The following OR11G2 variants were observed in gnomAD, a reference collection of about 807,000 sequenced individuals.
OR11G2 encodes olfactory receptor 11G2.
Under a neutral mutation model 0.9 loss-of-function variants are expected in OR11G2, and 2 were observed. The ratio of observed to expected loss-of-function variants is 2.35; its 90% CI spans 0.96 to 7.38. The LOEUF is 7.38. Among genes scored for constraint, OR11G2 ranks in the 30% most tolerant of loss-of-function variants. The pLI is 0.05. For synonymous variants in OR11G2, 153 were observed against 142.0 expected (o/e 1.08, Z -0.55); for missense variants, 395 against 371.3 (o/e 1.06, Z -0.52).
chr14:20,197,911 C>T lies in OR11G2; in HGVS notation c.474C>T (p.Ile158=). ...TCAATTGCTGGGTACTTGGTTTCAT[C>T]TGGTTCTTGATTCCTATCGTCAACA... ...LVVNCWVLGF[I]WFLIPIVNIS... The change falls in exon 2 of 2, where the codon ATC becomes ATT. Residue 158 remains isoleucine, a synonymous_variant. Transcript: ENST00000641879. The T allele has an allele frequency of 6.2e-7, 1 of 1,614,094 alleles. No individual in the cohort carries two copies. The highest frequency in any genetic ancestry group is 1.6e-4 in the Middle Eastern group (1 of 6,062).
At chr14:20,196,757 T>C (rs935465178) in intron 1 of OR11G2, among the ~76,000 whole-genome samples, 2 of 152,264 alleles carry the variant, frequency 1.3e-5, no homozygotes, top group Non-Finnish European at 2.9e-5. Context: ...GGCCAGTTAA[T>C]TCTTTCAGCC....
At chr14:20,193,649 T>C (rs1050145503) in intron 1 of OR11G2, among the ~76,000 whole-genome samples, 5 of 152,250 alleles carry the variant, frequency 3.3e-5, no homozygotes, top group Admixed American at 3.3e-4. Flanking sequence ...GAAAATTATA[T>C]GAAATTCACA....
At chr14:20,193,133 A>G (rs2318884) in intron 1 of OR11G2, among the ~76,000 whole-genome samples, 145,447 of 152,228 alleles carry the variant, frequency 0.96, 69,559 homozygotes, top group Non-Finnish European at 0.97. Context: ...TGGGGGTTGT[A>G]TTGAGGCAGA....
chr14:20,191,983 C>T (rs1449066297), intron 1 of OR11G2, among the ~76,000 whole-genome samples: 2 of 151,860 alleles, frequency 1.3e-5, no homozygotes, highest in African/African-American at 4.8e-5. Context: ...ACCTCTGCCT[C>T]CCGGGTTCAG....
In OR11G2 at chr14:20,200,759, G is replaced by A. The variant is rs1879886818; in HGVS notation, c.*2386G>A. The stretch of plus-strand genomic sequence containing the variant: ...AAAACATCAGTTCCCATTAATAGAA[G>A]ACTAGTAAAATGAGCTATGGTGAGT... On this transcript the variant is annotated 3_prime_UTR_variant, in exon 2 of 2. Transcript: ENST00000641879. 1 of 152,120 alleles carries A rather than the reference G, an allele frequency of 6.6e-6. No individual in the cohort carries two copies. The highest frequency in any genetic ancestry group is 6.6e-5 in the Admixed American group (1 of 15,266). 9.4% of individuals were successfully genotyped at this position (152,120 alleles called of 1,614,324 possible).
rs1354750459 is a variant in OR11G2 at position 20,198,433 on chromosome 14, A to G, written c.*60A>G. ...TTGTCTTTAATTTTGGGGTTTAAAA[A>G]AAAAACTGGTCTTGGCCAGGCGCGG... On this transcript the variant is annotated 3_prime_UTR_variant, in exon 2 of 2. Coordinates refer to ENST00000641879, the MANE Select transcript of OR11G2 (RefSeq NM_001386033.1). 1 of 1,311,396 alleles carries G rather than the reference A, an allele frequency of 7.6e-7. No homozygotes were observed. Among genetic ancestry groups the G allele is most frequent in the African/African-American group, 1.5e-5 (1 of 67,504 alleles). 81.2% of individuals were successfully genotyped at this position (1,311,396 alleles called of 1,614,324 possible). A position where few individuals can be genotyped will look rare whatever the true frequency, so the allele number is the denominator to read the frequency against.
In OR11G2 at chr14:20,192,194, C is replaced by T. The variant is rs558599070; in HGVS notation, c.-5+528C>T. The stretch of plus-strand genomic sequence containing the variant: ...GGTGTGAACCACCAAGCCCAGCCCC[C>T]AAATGGCATTTTCATCTGAGAGACA... On this transcript the variant is annotated intron_variant, in intron 1 of 1. Coordinates refer to ENST00000641879, the MANE Select transcript of OR11G2 (RefSeq NM_001386033.1). Among the ~76,000 whole-genome samples the T allele has an allele frequency of 4.6e-5, 7 of 152,196 alleles. No homozygotes were observed. The South Asian group carries it at 1.2e-3, about 27-fold the overall frequency.
rs1258870730 is a variant in OR11G2, at chr14:20,191,225, A to G, written c.-446A>G. 1 of 152,218 alleles carries G rather than the reference A, an allele frequency of 6.6e-6. No homozygotes were observed. The highest frequency in any genetic ancestry group is 6.5e-5 in the Admixed American group (1 of 15,278). The allele number at this position is 152,218 out of a possible 1,614,324, so 9.4% of individuals were successfully genotyped here. On this transcript the variant is annotated 5_prime_UTR_variant, in exon 1 of 2. Transcript: ENST00000641879. ...CTGTTCTTATTTTCAAGGACTTTGC[A>G]GAAAGTAAATAGGTGTAATGATATG...
rs932216589 is a variant in OR11G2, at chr14:20,191,301, A to G, written c.-370A>G. 4 of 151,962 alleles carry G rather than the reference A, an allele frequency of 2.6e-5. No homozygotes were observed. Among genetic ancestry groups the G allele is most frequent in the African/African-American group, 7.3e-5 (3 of 41,328 alleles). The allele number at this position is 151,962 out of a possible 1,614,324, so 9.4% of individuals were successfully genotyped here. A position where few individuals can be genotyped will look rare whatever the true frequency, so the allele number is the denominator to read the frequency against. ...GATGTGTGCTGCTGAGATCAGAACAATAATGCTTCCGATCCACACTGCCTT... is the reference window on the plus strand; with the variant it reads ...GATGTGTGCTGCTGAGATCAGAACAGTAATGCTTCCGATCCACACTGCCTT... On this transcript the variant is annotated 5_prime_UTR_variant, in exon 1 of 2. Transcript: ENST00000641879.
rs760534517 is a variant in OR11G2, at chr14:20,197,955, G to C, written c.518G>C (p.Cys173Ser). 9.9e-6 allele frequency: 16 copies of C among 1,613,980 alleles called. No individual in the cohort carries two copies. In the East Asian group the frequency reaches 3.3e-4, roughly 34 times the overall value. Reference protein sequence around the residue: ...PIVNISQMSFCGSRIIDHFLC... With the variant: ...PIVNISQMSFSGSRIIDHFLC... ...GTCAACATCTCCCAAATGTCCTTCTGTGGATCTAGGATTATTGACCACTTC... is the reference window on the plus strand; with the variant it reads ...GTCAACATCTCCCAAATGTCCTTCTCTGGATCTAGGATTATTGACCACTTC... Residue 173 changes from cysteine (C) to serine (S), a missense_variant, in exon 2 of 2, where the codon TGT becomes TCT. Cys to Ser is a moderately radical substitution (Grantham distance 112, BLOSUM62 -1). Coordinates refer to ENST00000641879, the MANE Select transcript of OR11G2 (RefSeq NM_001386033.1).
Position 20,200,728 on chromosome 14 carries a change from T to C in OR11G2, c.*2355T>C, listed in dbSNP as rs1879886221. ...GCAGCATTGTTGTAATAGCAAAATA[T>C]TGAGAAAAACATCAGTTCCCATTAA... On this transcript the variant is annotated 3_prime_UTR_variant, in exon 2 of 2. Transcript: ENST00000641879. 6.6e-6 allele frequency: 1 copy of C among 152,204 alleles called. No individual in the cohort carries two copies. The highest frequency in any genetic ancestry group is 2.4e-5 in the African/African-American group (1 of 41,444). 9.4% of individuals were successfully genotyped at this position (152,204 alleles called of 1,614,324 possible).
chr14:20,197,392 G>A, intron 1 of OR11G2, 42 bp from the exon 2 acceptor site: 1 of 1,608,826 alleles, frequency 6.2e-7, no homozygotes, highest in Non-Finnish European at 8.5e-7. Context: ...ATCTATGTTT[G>A]CACCGTCATT....
chr14:20,197,983 A>G lies in OR11G2; in HGVS notation c.546A>G (p.Leu182=), dbSNP rs1340888666. 8.7e-6 allele frequency: 14 copies of G among 1,611,464 alleles called. No homozygotes were observed. In the East Asian group the frequency reaches 2.7e-4, roughly 31 times the overall value. ...FCGSRIIDHF[L]CDPAPLLTLT... ...GATCTAGGATTATTGACCACTTCCTATGTGACCCAGCTCCTCTTCTAACTC... is the reference window on the plus strand; with the variant it reads ...GATCTAGGATTATTGACCACTTCCTGTGTGACCCAGCTCCTCTTCTAACTC... Residue 182 remains leucine (L), a synonymous_variant, in exon 2 of 2, where the codon CTA becomes CTG. Transcript: ENST00000641879.
At position 20,197,861 on chromosome 14, in the gene OR11G2, A is replaced by C. The variant is rs780672420; in HGVS notation, c.424A>C (p.Arg142=). 26 of 1,613,978 alleles carry C rather than the reference A, an allele frequency of 1.6e-5. No individual in the cohort carries two copies. In the East Asian group the frequency reaches 5.8e-4, roughly 36 times the overall value. ...TCTACGCTATCCAACCATTATGACCAGACGTCTCTGTACCAATCTTGTGGT... is the reference window on the plus strand; with the variant it reads ...TCTACGCTATCCAACCATTATGACCCGACGTCTCTGTACCAATCTTGTGGT... ...RPLRYPTIMT[R]RLCTNLVVNC... Residue 142 remains arginine, a synonymous_variant, in exon 2 of 2, where the codon AGA becomes CGA. Transcript: ENST00000641879.
chr14:20,196,698 T>G (rs1337902218), intron 1 of OR11G2, among the ~76,000 whole-genome samples: 1 of 152,224 alleles, frequency 6.6e-6, no homozygotes, highest in Non-Finnish European at 1.5e-5. Context: ...AACTATAGTC[T>G]AGGCAAATTT....
Position 20,200,492 on chromosome 14 carries a change from T to A in OR11G2, c.*2119T>A, listed in dbSNP as rs915322072. The A allele has an allele frequency of 6.6e-6, 1 of 152,196 alleles. No individual in the cohort carries two copies. The highest frequency in any genetic ancestry group is 1.5e-5 in the Non-Finnish European group (1 of 68,032). 9.4% of individuals were successfully genotyped at this position (152,196 alleles called of 1,614,324 possible). A position where few individuals can be genotyped will look rare whatever the true frequency, so the allele number is the denominator to read the frequency against. On this transcript the variant is annotated 3_prime_UTR_variant, in exon 2 of 2. Coordinates refer to ENST00000641879, the MANE Select transcript of OR11G2 (RefSeq NM_001386033.1). ...TTTTTATCTATTAAATTGACAAAGA[T>A]CAAGAAGTTTGATTACACATTGCGT...
At chr14:20,191,969 C>T (rs1389195854) in intron 1 of OR11G2, among the ~76,000 whole-genome samples, 1 of 151,440 alleles carries the variant, frequency 6.6e-6, no homozygotes, top group East Asian at 1.9e-4. Context: ...CACGGCTCAC[C>T]ACAACCTCTG....
rs1026265175 is a variant in OR11G2 at position 20,200,388 on chromosome 14, A to G, written c.*2015A>G. 5.3e-5 allele frequency: 8 copies of G among 152,334 alleles called. No homozygotes were observed. Among genetic ancestry groups the G allele is most frequent in the South Asian group, 2.1e-4 (1 of 4,828 alleles). The allele number at this position is 152,334 out of a possible 1,614,324, so 9.4% of individuals were successfully genotyped here. On this transcript the variant is annotated 3_prime_UTR_variant, in exon 2 of 2. Coordinates refer to ENST00000641879, the MANE Select transcript of OR11G2 (RefSeq NM_001386033.1). The stretch of plus-strand genomic sequence containing the variant: ...GGATATAAACGAATAACATCCAGAA[A>G]AAGATTCTTAAACATGGAAAGGGCA...
chr14:20,198,275 CTG>C lies in OR11G2; in HGVS notation c.840_841del (p.Phe281LeufsTer9), dbSNP rs1220683434. On this transcript the variant is annotated frameshift_variant, in exon 2 of 2. Coordinates refer to ENST00000641879, the MANE Select transcript of OR11G2 (RefSeq NM_001386033.1). LOFTEE classifies it high-confidence loss of function. ...NEAGKQKTVT[L>X]FYSVVTPLLN... ...AGCTGGAAAGCAGAAGACTGTGACT[CTG>C]TTTTATTCTGTTGTTACCCCACTGC... is the stretch of plus-strand genomic sequence containing the variant. 3 of 1,613,738 alleles carry C rather than the reference CTG, an allele frequency of 1.9e-6. No individual in the cohort carries two copies. Among genetic ancestry groups the C allele is most frequent in the Non-Finnish European group, 2.5e-6 (3 of 1,179,622 alleles).
Sources: allele counts gnomAD v4.1 joint callset (sites outside exome capture counted in the v4.1 genomes callset), GRCh38; gene constraint gnomAD v4.1.1; transcripts MANE v1.5; gene names NCBI Gene and HGNC (gene_info 2026-07-23, HGNC 2026-07-21).